Variants in TLL1 observed in about 807,000 individuals in gnomAD.
The protein encoded by TLL1 is tolloid-like protein 1.
Under a neutral mutation model 128.2 loss-of-function variants are expected in TLL1, and 49 were observed. The ratio of observed to expected loss-of-function variants is 0.38; its 90% CI spans 0.30 to 0.48. The LOEUF is 0.48. TLL1 is among the 20% of genes least tolerant of loss of function. TLL1 has a pLI of 0.96. For synonymous variants in TLL1, 454 were observed against 418.8 expected (o/e 1.08, Z -1.03); for missense variants, 1,123 against 1,242.0 (o/e 0.90, Z 1.44).
intron 1 of TLL1, among the ~76,000 whole-genome samples, chr4:165,964,258 A>G (rs1177868676): frequency 1.3e-5 from 2 of 152,198 alleles, no homozygotes; most frequent in Non-Finnish European, 2.9e-5. Context: ...TCAGGGGAAA[A>G]TAACTGAATG....
chr4:165,889,997 A>G (rs1179972970), intron 1 of TLL1, among the ~76,000 whole-genome samples: 2 of 152,122 alleles, frequency 1.3e-5, no homozygotes, highest in East Asian at 1.9e-4. Context: ...TTCATTCAGT[A>G]TGGCTGGGGA....
At chr4:166,026,415 G>C (rs772605505) in intron 9 of TLL1, among the ~76,000 whole-genome samples, 1 of 151,970 alleles carries the variant, frequency 6.6e-6, no homozygotes, top group Non-Finnish European at 1.5e-5. Flanking sequence ...GGCCAGGTGC[G>C]GTGGCTCACG....
intron 12 of TLL1, among the ~76,000 whole-genome samples, chr4:166,048,311 A>G (rs1739557462): frequency 6.6e-6 from 1 of 151,914 alleles, no homozygotes; most frequent in African/African-American, 2.4e-5. Flanking sequence ...ACGCTTATGA[A>G]GAGGGCCCTC....
intron 16 of TLL1, among the ~76,000 whole-genome samples, chr4:166,067,749 G>C (rs1344153628): frequency 6.6e-6 from 1 of 151,682 alleles, no homozygotes; most frequent in African/African-American, 2.4e-5. Context: ...TGGAGTATAA[G>C]CAGTTAACTA....
At chr4:165,897,019 T>C (rs942701051) in intron 1 of TLL1, among the ~76,000 whole-genome samples, 1 of 152,216 alleles carries the variant, frequency 6.6e-6, no homozygotes, top group Non-Finnish European at 1.5e-5. Context: ...GAGCTTTTTT[T>C]CATATGTTTC....
At chr4:165,994,877 C>G (rs1736795724) in intron 4 of TLL1, among the ~76,000 whole-genome samples, 184 bp from the exon 5 acceptor site, 1 of 152,136 alleles carries the variant, frequency 6.6e-6, no homozygotes, top group African/African-American at 2.4e-5. Context: ...CTTTAGCCCT[C>G]TGATTATAAA....
chr4:165,926,258 C>A (rs901363875), intron 1 of TLL1, among the ~76,000 whole-genome samples: 2 of 152,118 alleles, frequency 1.3e-5, no homozygotes, highest in Non-Finnish European at 2.9e-5. Context: ...GTCCATCTAT[C>A]TATTTTTTGA....
At chr4:165,922,328 C>T (rs1424018631) in intron 1 of TLL1, among the ~76,000 whole-genome samples, 1 of 152,174 alleles carries the variant, frequency 6.6e-6, no homozygotes, top group Non-Finnish European at 1.5e-5. Flanking sequence ...GTTTTTGAAA[C>T]CTCTGGTTGA....
Position 166,080,387 on chromosome 4 carries a change from A to G in TLL1, c.2442+2357A>G, listed in dbSNP as rs148307091. ...ATTTTAGAAAAACAAAATTCAATCC[A>G]TAACACCATTTATCTGCTGAAATCT... On this transcript the variant is annotated intron_variant, in intron 18 of 20. Coordinates refer to ENST00000061240, the MANE Select transcript of TLL1 (RefSeq NM_012464.5). Among the ~76,000 whole-genome samples the G allele has an allele frequency of 3.2e-3, 480 of 152,276 alleles. 1 individual carries two copies. Among genetic ancestry groups the G allele is most frequent in the African/African-American group, 0.011 (455 of 41,580 alleles).
chr4:166,019,649 G>A (rs1475541971), intron 8 of TLL1, among the ~76,000 whole-genome samples: 1 of 151,882 alleles, frequency 6.6e-6, no homozygotes, highest in Non-Finnish European at 1.5e-5. Flanking sequence ...TGATAAGTGG[G>A]GCCTTGGGTC....
At chr4:165,984,471 C>A (rs768518178) in intron 1 of TLL1, among the ~76,000 whole-genome samples, 3 of 151,900 alleles carry the variant, frequency 2.0e-5, no homozygotes, top group African/African-American at 7.2e-5. Flanking sequence ...ACTTTTGAGA[C>A]TTCACTGTTG....
chr4:165,938,255 C>T (rs1428380499), intron 1 of TLL1, among the ~76,000 whole-genome samples: 1 of 151,988 alleles, frequency 6.6e-6, no homozygotes, highest in Non-Finnish European at 1.5e-5. Context: ...ACTTCAGAAG[C>T]CATTCTGAGT....
At chr4:165,967,394 A>G (rs1362030392) in intron 1 of TLL1, among the ~76,000 whole-genome samples, 3 of 152,212 alleles carry the variant, frequency 2.0e-5, no homozygotes, top group African/African-American at 7.2e-5. Flanking sequence ...AAGAGCATTG[A>G]TTGGGGAAGT....
chr4:166,055,294 C>A (rs370486408), intron 13 of TLL1, 23 bp downstream of exon 13: 2 of 1,598,960 alleles, frequency 1.3e-6, no homozygotes, highest in African/African-American at 2.7e-5. Flanking sequence ...AATTTTCAAA[C>A]GTGAGATTTT....
chr4:165,936,413 T>C (rs1262328031), intron 1 of TLL1, among the ~76,000 whole-genome samples: 1 of 151,180 alleles, frequency 6.6e-6, no homozygotes, highest in Non-Finnish European at 1.5e-5. Flanking sequence ...AGTTTCGCCA[T>C]GTTGGCCAGG....
At chr4:166,079,267 A>T (rs1387164803) in intron 18 of TLL1, among the ~76,000 whole-genome samples, 1 of 152,162 alleles carries the variant, frequency 6.6e-6, no homozygotes, top group Non-Finnish European at 1.5e-5. Flanking sequence ...TTCTTAAGAG[A>T]GTTGGAAAAA....
At chr4:166,070,557 C>A (rs1038148600) in intron 16 of TLL1, among the ~76,000 whole-genome samples, 5 of 151,900 alleles carry the variant, frequency 3.3e-5, no homozygotes, top group African/African-American at 1.2e-4. Flanking sequence ...GGGGAAAAAT[C>A]TATTAGGAAT....
At chr4:165,888,372 A>G (rs1731253786) in intron 1 of TLL1, among the ~76,000 whole-genome samples, 1 of 152,158 alleles carries the variant, frequency 6.6e-6, no homozygotes, top group Non-Finnish European at 1.5e-5. Context: ...ATTTACTAAT[A>G]TTAACCTACC....
intron 1 of TLL1, among the ~76,000 whole-genome samples, chr4:165,984,536 G>T (rs1736311396): frequency 6.6e-6 from 1 of 151,908 alleles, no homozygotes; most frequent in South Asian, 2.1e-4. Context: ...ACCGGTCAGA[G>T]CAGCCTTTTC....
Sources: gnomAD v4.1 joint callset for allele counts (sites outside exome capture counted in the v4.1 genomes callset) on GRCh38, gnomAD v4.1.1 for gene constraint, MANE v1.5 for transcripts, NCBI Gene and HGNC (gene_info 2026-07-23, HGNC 2026-07-21) for gene names.